The following ZNF383 variants were observed in gnomAD, a reference collection of about 807,000 sequenced individuals.
The protein encoded by ZNF383 is zinc finger protein 383.
ZNF383 carries 32 observed loss-of-function variants against 44.2 expected under a neutral mutation model. The observed-to-expected ratio is 0.72, with a 90% confidence interval of 0.55 to 0.97. The LOEUF (loss-of-function observed/expected upper bound fraction) is 0.97. ZNF383 is among the 50% of genes least tolerant of loss of function. The probability of loss-of-function intolerance (pLI) is 0.00; values close to 1 mark genes in which losing one functional copy is unlikely to be tolerated. For missense variants in ZNF383, 487 were observed against 562.5 expected (o/e 0.87, Z 1.36); for synonymous variants, 155 against 186.2 (o/e 0.83, Z 1.36).
chr19:37,243,221 C>T lies in ZNF383; in HGVS notation c.985C>T (p.Gln329Ter), dbSNP rs563926202. ...FTQSSKLVQH[Q>*]RIHTGEKPYE... Reference sequence around the variant, plus strand: ...CCAGAGCTCAAAGCTTGTTCAACATCAGAGAATTCATACTGGTGAGAAACC... The same window carrying T: ...CCAGAGCTCAAAGCTTGTTCAACATTAGAGAATTCATACTGGTGAGAAACC... The change falls in exon 6 of 6, where the codon CAG (glutamine) becomes TAG (stop). Residue 329 changes from glutamine (Q) to a stop codon, truncating the protein, a stop_gained. Coordinates refer to ENST00000684119, the MANE Select transcript of ZNF383 (RefSeq NM_001387601.1). LOFTEE classifies it high-confidence loss of function. The T allele has an allele frequency of 6.2e-6, 10 of 1,614,024 alleles. No individual in the cohort carries two copies. Among genetic ancestry groups the T allele is most frequent in the African/African-American group, 1.3e-5 (1 of 74,916 alleles).
In ZNF383 at chr19:37,242,572, T is replaced by C. The variant is rs1974170462; in HGVS notation, c.336T>C (p.Leu112=). ...TAATGGGACTTACAAAGCATGGCCTTGAGTACTCCAGTTTTGGAGATGTTT... is the reference window on the plus strand; with the variant it reads ...TAATGGGACTTACAAAGCATGGCCTCGAGTACTCCAGTTTTGGAGATGTTT... ...REIMGLTKHG[L]EYSSFGDVLE... The change falls in exon 6 of 6, where the codon CTT becomes CTC. Residue 112 remains leucine (L), a synonymous_variant. Coordinates refer to ENST00000684119, the MANE Select transcript of ZNF383 (RefSeq NM_001387601.1). The C allele has an allele frequency of 2.5e-6, 4 of 1,613,908 alleles. No homozygotes were observed. The highest frequency in any genetic ancestry group is 2.2e-5 in the East Asian group (1 of 44,868).
rs113988426 is a variant in ZNF383, at chr19:37,221,628, A to T, written c.-167-3190A>T. On this transcript the variant is annotated intron_variant, in intron 1 of 5. Coordinates refer to ENST00000684119, the MANE Select transcript of ZNF383 (RefSeq NM_001387601.1). ...ATTCTGAAAAGTACAAAATCAAGGTATATGACCTGATGACTTGTATAAAAG... is the reference window on the plus strand; with the variant it reads ...ATTCTGAAAAGTACAAAATCAAGGTTTATGACCTGATGACTTGTATAAAAG... Among the ~76,000 whole-genome samples, 1,034 of 151,684 alleles carry T rather than the reference A, an allele frequency of 6.8e-3. 17 individuals are homozygous for T. The highest frequency in any genetic ancestry group is 0.024 in the African/African-American group (993 of 41,306).
intron 5 of ZNF383, among the ~76,000 whole-genome samples, chr19:37,240,254 T>C (rs1264521620): frequency 1.3e-5 from 2 of 152,194 alleles, no homozygotes; most frequent in Non-Finnish European, 2.9e-5. Context: ...GATACTCCAA[T>C]AGGCTTCATT....
chr19:37,240,157 C>CAAA (rs11296804), intron 5 of ZNF383, among the ~76,000 whole-genome samples: 1 of 138,568 alleles, frequency 7.2e-6, no homozygotes, highest in Non-Finnish European at 1.6e-5. Context: ...CACTGCGTTT[C>CAAA]AAAAAAAAAA....
chr19:37,239,781 T>C (rs991103048), intron 5 of ZNF383, among the ~76,000 whole-genome samples: 1 of 152,142 alleles, frequency 6.6e-6, no homozygotes, highest in Non-Finnish European at 1.5e-5. Flanking sequence ...TAAGAGTTGA[T>C]TCTGGTTTGG....
At chr19:37,240,909 C>T (rs1974053348) in intron 5 of ZNF383, among the ~76,000 whole-genome samples, 2 of 152,180 alleles carry the variant, frequency 1.3e-5, no homozygotes, top group African/African-American at 4.8e-5. Context: ...TGGGTTCAAG[C>T]AGTTCTTCTG....
chr19:37,247,695 CA>C lies in ZNF383; in HGVS notation c.*4034del, dbSNP rs1599813760. 1 of 151,258 alleles carries C rather than the reference CA, an allele frequency of 6.6e-6. No homozygotes were observed. The highest frequency in any genetic ancestry group is 1.9e-4 in the East Asian group (1 of 5,158). The allele number at this position is 151,258 out of a possible 1,614,324, so 9.4% of individuals were successfully genotyped here. A position where few individuals can be genotyped will look rare whatever the true frequency, so the allele number is the denominator to read the frequency against. The stretch of plus-strand genomic sequence containing the variant: ...CAGAAAAAAAAAAAAATTAAAACAA[CA>C]AACTTAAAAGTTGGTATTATAGACA... On this transcript the variant is annotated 3_prime_UTR_variant, in exon 6 of 6. Coordinates refer to ENST00000684119, the MANE Select transcript of ZNF383 (RefSeq NM_001387601.1).
intron 2 of ZNF383, among the ~76,000 whole-genome samples, chr19:37,229,802 A>ATATTT (rs1468252245): frequency 2.4e-5 from 3 of 125,350 alleles, no homozygotes; most frequent in African/African-American, 6.3e-5. Flanking sequence ...ATATATATAT[A>ATATTT]TTTTTTTTTT....
intron 5 of ZNF383, among the ~76,000 whole-genome samples, chr19:37,239,273 A>T (rs1973964877): frequency 1.3e-5 from 2 of 152,052 alleles, no homozygotes. Flanking sequence ...ATTTCTTCCT[A>T]TCGTGATGTA....
At position 37,243,056 on chromosome 19, in the gene ZNF383, C is replaced by G. The variant is rs753494718; in HGVS notation, c.820C>G (p.Arg274Gly). Residue 274 changes from arginine (R) to glycine (G), a missense_variant, in exon 6 of 6, where the codon CGA becomes GGA. Arg to Gly is a moderately radical substitution (Grantham distance 125, BLOSUM62 -2). Coordinates refer to ENST00000684119, the MANE Select transcript of ZNF383 (RefSeq NM_001387601.1). The part of the protein sequence containing the change: ...SYCSNLIDHQ[R>G]IHTGEKPYEC... Reference sequence around the variant, plus strand: ...TTGCTCAAATCTTATTGACCATCAGCGAATTCACACTGGTGAAAAACCTTA... The same window carrying G: ...TTGCTCAAATCTTATTGACCATCAGGGAATTCACACTGGTGAAAAACCTTA... The G allele has an allele frequency of 6.2e-7, 1 of 1,612,228 alleles. No homozygotes were observed. Among genetic ancestry groups the G allele is most frequent in the Non-Finnish European group, 8.5e-7 (1 of 1,179,522 alleles).
intron 1 of ZNF383, among the ~76,000 whole-genome samples, chr19:37,221,184 A>T (rs904476591): frequency 1.3e-5 from 2 of 152,256 alleles, no homozygotes; most frequent in African/African-American, 2.4e-5. Context: ...CCGACAGCTT[A>T]TAAACATTAT....
chr19:37,243,834 C>T lies in ZNF383; in HGVS notation c.*170C>T. On this transcript the variant is annotated 3_prime_UTR_variant, in exon 6 of 6. Transcript: ENST00000684119. ...CTAAAGTGACATTCCCTCTCTCCCC[C>T]AGTCATATACCGATGCCAGCTGTTC... 1.6e-5 allele frequency: 8 copies of T among 491,038 alleles called. No individual in the cohort carries two copies. The highest frequency in any genetic ancestry group is 4.6e-5 in the South Asian group (1 of 21,782). The allele number at this position is 491,038 out of a possible 1,614,324, so 30.4% of individuals were successfully genotyped here. A position where few individuals can be genotyped will look rare whatever the true frequency, so the allele number is the denominator to read the frequency against.
In ZNF383 at chr19:37,243,070, T is replaced by C; in HGVS notation, c.834T>C (p.Gly278=). The change falls in exon 6 of 6, where the codon GGT becomes GGC. Residue 278 remains glycine, a synonymous_variant. Coordinates refer to ENST00000684119, the MANE Select transcript of ZNF383 (RefSeq NM_001387601.1). ...TTGACCATCAGCGAATTCACACTGG[T>C]GAAAAACCTTATGAATGTAAAGTAT... ...NLIDHQRIHT[G]EKPYECKVCG... is the part of the protein sequence containing the mutation. The C allele has an allele frequency of 6.2e-7, 1 of 1,614,092 alleles. No homozygotes were observed. Among genetic ancestry groups the C allele is most frequent in the Non-Finnish European group, 8.5e-7 (1 of 1,180,026 alleles).
At chr19:37,241,733 ACCT>A (rs1199469305) in intron 5 of ZNF383, among the ~76,000 whole-genome samples, 2 of 151,706 alleles carry the variant, frequency 1.3e-5, no homozygotes, top group Non-Finnish European at 2.9e-5. Flanking sequence ...CATAACAAAG[ACCT>A]CCTGTCAGGA....
At chr19:37,240,158 A>C (rs376301928) in intron 5 of ZNF383, among the ~76,000 whole-genome samples, 1 of 14,436 alleles carries the variant, frequency 6.9e-5, no homozygotes, top group Admixed American at 5.8e-4. Context: ...ACTGCGTTTC[A>C]AAAAAAAAAA....
chr19:37,233,311 T>G (rs1973596580), intron 3 of ZNF383, among the ~76,000 whole-genome samples: 1 of 151,714 alleles, frequency 6.6e-6, no homozygotes, highest in Admixed American at 6.6e-5. Flanking sequence ...TTTTGTATTT[T>G]TAGTAGAGAC....
At position 37,242,915 on chromosome 19, in the gene ZNF383, G is replaced by C. The variant is rs1974196511; in HGVS notation, c.679G>C (p.Glu227Gln). 2 of 1,613,998 alleles carry C rather than the reference G, an allele frequency of 1.2e-6. No homozygotes were observed. Among genetic ancestry groups the C allele is most frequent in the Non-Finnish European group, 1.7e-6 (2 of 1,180,032 alleles). The change falls in exon 6 of 6, where the codon GAA (glutamate) becomes CAA (glutamine). Residue 227 changes from glutamate (E) to glutamine (Q), a missense_variant. Glu to Gln is a conservative substitution (Grantham distance 29, BLOSUM62 2). Transcript: ENST00000684119. ...LKIHTGEKPFECKECGKAFSC... is the reference protein window; with the variant it reads ...LKIHTGEKPFQCKECGKAFSC... ...AATTCATACTGGCGAAAAACCCTTT[G>C]AATGTAAGGAATGTGGAAAGGCCTT... is the stretch of plus-strand genomic sequence containing the variant.
At chr19:37,225,663 G>A (rs1973125448) in intron 2 of ZNF383, among the ~76,000 whole-genome samples, 1 of 152,010 alleles carries the variant, frequency 6.6e-6, no homozygotes, top group Non-Finnish European at 1.5e-5. Context: ...ATAGAAAGGG[G>A]ATTCACTGCA....
At chr19:37,223,158 A>C (rs1174105852) in intron 1 of ZNF383, among the ~76,000 whole-genome samples, 1 of 152,224 alleles carries the variant, frequency 6.6e-6, no homozygotes, top group Admixed American at 6.5e-5. Flanking sequence ...CAAGTGACAA[A>C]CCCAATAAAG....
Sources: allele counts gnomAD v4.1 joint callset (sites outside exome capture counted in the v4.1 genomes callset), GRCh38; gene constraint gnomAD v4.1.1; transcripts MANE v1.5; gene names NCBI Gene and HGNC (gene_info 2026-07-23, HGNC 2026-07-21).